The following THADA variants were observed in gnomAD, a reference collection of about 807,000 sequenced individuals.
THADA encodes the protein tRNA (32-2'-O)-methyltransferase regulator THADA.
In THADA, 213 loss-of-function variants were observed where a neutral mutation model predicts 219.8. The ratio of observed to expected loss-of-function variants is 0.97; its 90% CI spans 0.87 to 1.09. The LOEUF is 1.09. Ranked by LOEUF, THADA falls within the 50% of genes least tolerant of loss-of-function variation. The probability of loss-of-function intolerance (pLI) is 0.00; values close to 1 mark genes in which losing one functional copy is unlikely to be tolerated. For synonymous variants in THADA, 1,018 were observed against 828.9 expected (o/e 1.23, Z -3.92); for missense variants, 2,956 against 2,311.3 (o/e 1.28, Z -5.72).
chr2:43,559,345 C>G (rs1574256087), intron 16 of THADA, among the ~76,000 whole-genome samples: 1 of 152,138 alleles, frequency 6.6e-6, no homozygotes, highest in East Asian at 1.9e-4. Flanking sequence ...TTCTACATAG[C>G]CATCTAGAAG....
chr2:43,487,185 C>T (rs911428924), intron 25 of THADA, among the ~76,000 whole-genome samples: 1 of 152,176 alleles, frequency 6.6e-6, no homozygotes, highest in African/African-American at 2.4e-5. Flanking sequence ...GGATTATCTT[C>T]TACCTGATCT....
rs562456825 is a variant in THADA, at chr2:43,424,146, T to C, written c.4058+3954A>G. Among the ~76,000 whole-genome samples the C allele has an allele frequency of 2.6e-5, 4 of 152,276 alleles. No individual in the cohort carries two copies. The South Asian group carries it at 8.3e-4, about 32-fold the overall frequency. On this transcript the variant is annotated intron_variant, in intron 28 of 37. Coordinates refer to ENST00000405975, the MANE Select transcript of THADA (RefSeq NM_022065.5). ...AGAGGATGCAACAATCATAATGGCA[T>C]ATATGTTTAGGTATACTCTTAAACA...
At chr2:43,528,095 G>A in intron 21 of THADA, 107 bp from the exon 22 acceptor site, 1 of 650,648 alleles carries the variant, frequency 1.5e-6, no homozygotes, top group Non-Finnish European at 2.7e-6. Context: ...CATTCATTTA[G>A]CGCTTACCAT....
At chr2:43,485,093 T>A (rs936266762) in intron 26 of THADA, 141 bp downstream of exon 26, 13 of 575,384 alleles carry the variant, frequency 2.3e-5, no homozygotes, top group Non-Finnish European at 3.8e-5. Flanking sequence ...CTTGGCAGCA[T>A]AGGTTAATTC....
chr2:43,280,704 G>A (rs1333545428), intron 35 of THADA, among the ~76,000 whole-genome samples: 1 of 152,128 alleles, frequency 6.6e-6, no homozygotes, highest in Non-Finnish European at 1.5e-5. Flanking sequence ...AAAGGCAGCA[G>A]CTTGTGTCCC....
intron 24 of THADA, among the ~76,000 whole-genome samples, chr2:43,502,382 C>T (rs896180379): frequency 1.3e-4 from 20 of 151,980 alleles, no homozygotes; most frequent in Non-Finnish European, 2.1e-4. Flanking sequence ...GTCAGGAGTT[C>T]GAGACTAGCC....
At chr2:43,446,695 C>T (rs1681606843) in intron 26 of THADA, among the ~76,000 whole-genome samples, 1 of 152,150 alleles carries the variant, frequency 6.6e-6, no homozygotes. Flanking sequence ...GTTTGTCATG[C>T]AGCAATACGT....
At chr2:43,470,529 C>T (rs1359274644) in intron 26 of THADA, among the ~76,000 whole-genome samples, 1 of 151,800 alleles carries the variant, frequency 6.6e-6, no homozygotes, top group East Asian at 1.9e-4. Flanking sequence ...AAAATGCCTC[C>T]TATAAGCGAA....
chr2:43,315,035 C>T lies in THADA; in HGVS notation c.4438+5411G>A, dbSNP rs536158726. 3.3e-5 allele frequency among the ~76,000 whole-genome samples: 5 copies of T among 152,310 alleles called. No individual in the cohort carries two copies. The East Asian group carries it at 9.7e-4, about 29-fold the overall frequency. The stretch of plus-strand genomic sequence containing the variant: ...CTTGTTTATGCCCCTAGCCCTTCAA[C>T]GTGGTTCTAAGACATGTCAGAGGTA... On this transcript the variant is annotated intron_variant, in intron 31 of 37. Coordinates refer to ENST00000405975, the MANE Select transcript of THADA (RefSeq NM_022065.5).
intron 29 of THADA, among the ~76,000 whole-genome samples, chr2:43,375,461 T>C (rs1436321752): frequency 6.6e-6 from 1 of 152,244 alleles, no homozygotes; most frequent in Non-Finnish European, 1.5e-5. Context: ...AATTTTAAAA[T>C]GATAAGTATA....
chr2:43,464,281 T>C (rs1198286445), intron 26 of THADA, among the ~76,000 whole-genome samples: 1 of 152,014 alleles, frequency 6.6e-6, no homozygotes, highest in Non-Finnish European at 1.5e-5. Flanking sequence ...TTTGCTTCTA[T>C]CCATTAATAC....
At chr2:43,376,485 A>G (rs1401375699) in intron 29 of THADA, among the ~76,000 whole-genome samples, 1 of 152,240 alleles carries the variant, frequency 6.6e-6, no homozygotes, top group Non-Finnish European at 1.5e-5. Context: ...AAAGATCTGT[A>G]TTCTAAACAT....
In THADA at chr2:43,577,197, C is replaced by T. The variant is rs752394069; in HGVS notation, c.862G>A (p.Glu288Lys). Residue 288 changes from glutamate (E) to lysine (K), a missense_variant, in exon 10 of 38, where the codon GAG becomes AAG. Glu to Lys is a moderately conservative substitution (Grantham distance 56). Coordinates refer to ENST00000405975, the MANE Select transcript of THADA (RefSeq NM_022065.5). Reference sequence around the variant, plus strand: ...CTCCTGCAGCTGCTCATAAACCACTCGGGGACACTGGTGCAGTCCACTGAA... The same window carrying T: ...CTCCTGCAGCTGCTCATAAACCACTTGGGGACACTGGTGCAGTCCACTGAA... ...LRSVDCTSVP[E>K]WFMSSCRSLC... The T allele has an allele frequency of 1.2e-5, 20 of 1,603,100 alleles. No individual in the cohort carries two copies. The highest frequency in any genetic ancestry group is 9.0e-5 in the South Asian group (8 of 88,728).
In THADA at chr2:43,344,201, GT is replaced by G; in HGVS notation, c.4263del (p.Lys1421AsnfsTer12). 1 of 1,612,472 alleles carries G rather than the reference GT, an allele frequency of 6.2e-7. No homozygotes were observed. The highest frequency in any genetic ancestry group is 8.5e-7 in the Non-Finnish European group (1 of 1,179,340). ...FHLLQAYSDS[K>X]HGTNSDFQHE... Reference sequence around the variant, plus strand: ...TGCTGGAAGTCTGAATTCGTTCCGTGTTTGGAGTCTGAGTAGGCTTGCAACA... The same window carrying G: ...TGCTGGAAGTCTGAATTCGTTCCGTGTTGGAGTCTGAGTAGGCTTGCAACA... On this transcript the variant is annotated frameshift_variant, in exon 30 of 38. Transcript: ENST00000405975. LOFTEE classifies it high-confidence loss of function.
At chr2:43,547,534 G>C (rs1696188210) in intron 20 of THADA, among the ~76,000 whole-genome samples, 2 of 152,110 alleles carry the variant, frequency 1.3e-5, no homozygotes, top group African/African-American at 4.8e-5. Context: ...TTTTCACATA[G>C]TCCCATATTT....
intron 26 of THADA, 142 bp from the exon 27 acceptor site, chr2:43,430,444 T>C: frequency 1.7e-6 from 1 of 575,456 alleles, no homozygotes; most frequent in East Asian, 2.9e-5. Context: ...TACAGCATCT[T>C]AAGAATTTAA....
At chr2:43,510,248 A>G (rs898759713) in intron 22 of THADA, among the ~76,000 whole-genome samples, 2 of 152,210 alleles carry the variant, frequency 1.3e-5, no homozygotes, top group South Asian at 2.1e-4. Context: ...TACTTCAGCA[A>G]ACAACAATAA....
rs72865296 is a variant in THADA at position 43,513,481 on chromosome 2, C to G, written c.3375-4701G>C. 7.0e-3 allele frequency among the ~76,000 whole-genome samples: 1,071 copies of G among 152,282 alleles called. 18 individuals carry two copies. The highest frequency in any genetic ancestry group is 0.025 in the African/African-American group (1,023 of 41,554). ...CCAAAGAATTTCAGCAGCCTCATCT[C>G]TTTTGAGAAGAACCTGAAAAAGGGC... On this transcript the variant is annotated intron_variant, in intron 22 of 37. Transcript: ENST00000405975.
chr2:43,460,245 A>T (rs1034223987), intron 26 of THADA, among the ~76,000 whole-genome samples: 28 of 119,352 alleles, frequency 2.3e-4, no homozygotes, highest in African/African-American at 6.8e-4. Context: ...TAATAAAAAA[A>T]AAAAAAAAAA....
Sources: gnomAD v4.1 joint callset for allele counts (sites outside exome capture counted in the v4.1 genomes callset) on GRCh38, gnomAD v4.1.1 for gene constraint, MANE v1.5 for transcripts, NCBI Gene and HGNC (gene_info 2026-07-23, HGNC 2026-07-21) for gene names.